CPA5: variants seen among roughly 807,000 people sequenced by gnomAD.
CPA5 encodes the protein carboxypeptidase A5.
A neutral mutation model predicts 52.2 loss-of-function variants in CPA5; 38 were observed. The ratio of observed to expected loss-of-function variants is 0.73; its 90% confidence interval spans 0.56 to 0.95. The LOEUF (loss-of-function observed/expected upper bound fraction) is 0.95, where lower values mean the gene tolerates loss of function less well. Among genes scored for constraint, CPA5 ranks in the 40% least tolerant of loss-of-function variants. The probability of loss-of-function intolerance (pLI) is 0.00; values close to 1 mark genes in which losing one functional copy is unlikely to be tolerated. For synonymous variants in CPA5, 198 were observed against 213.7 expected, an observed-to-expected ratio of 0.93 and a Z score of 0.64; for missense variants, 519 against 566.7, an observed-to-expected ratio of 0.92 and a Z score of 0.86.
chr7:130,370,905 A>C (rs1584845615), downstream of CPA5, among the ~76,000 whole-genome samples: 2 of 152,334 alleles, frequency 1.3e-5, no homozygotes, highest in South Asian at 4.1e-4. Context: ...AATATATTCC[A>C]GTCTTCCGGG....
At chr7:130,352,113 C>T (rs1795185017) in intron 5 of CPA5, among the ~76,000 whole-genome samples, 1 of 152,128 alleles carries the variant, frequency 6.6e-6, no homozygotes, top group African/African-American at 2.4e-5. Context: ...TGTTTGGTGG[C>T]TAGGACCAGG....
At chr7:130,348,824 C>T (rs1794938789) in intron 4 of CPA5, among the ~76,000 whole-genome samples, 1 of 152,190 alleles carries the variant, frequency 6.6e-6, no homozygotes, top group African/African-American at 2.4e-5. Context: ...AGTAGTCCCT[C>T]CTGATTGGCA....
intron 10 of CPA5, among the ~76,000 whole-genome samples, chr7:130,366,491 G>A (rs1796095012): frequency 6.6e-6 from 1 of 152,192 alleles, no homozygotes; most frequent in South Asian, 2.1e-4. Flanking sequence ...AAGGCAAAGA[G>A]TCCAGGGGGA....
chr7:130,355,540 G>A (rs1795427550), intron 5 of CPA5, among the ~76,000 whole-genome samples: 1 of 152,120 alleles, frequency 6.6e-6, no homozygotes, highest in South Asian at 2.1e-4. Context: ...CCAAGTAGCT[G>A]GGCTTACAGG....
At chr7:130,367,293 AACAC>A (rs1387595958) in intron 10 of CPA5, 75 bp from the exon 11 acceptor site, 48 of 1,249,152 alleles carry the variant, frequency 3.8e-5, no homozygotes, top group Non-Finnish European at 5.2e-5. Flanking sequence ...AATGTAGGGG[AACAC>A]ACAGGTATTT....
At chr7:130,363,044 G>A in intron 9 of CPA5, 50 bp downstream of exon 9, 1 of 1,137,624 alleles carries the variant, frequency 8.8e-7, no homozygotes, top group Non-Finnish European at 1.3e-6. Flanking sequence ...CTAGGGGGAT[G>A]GAGAAAAGGT....
chr7:130,370,361 TG>T (rs1554409770), downstream of CPA5, among the ~76,000 whole-genome samples: 2 of 152,116 alleles, frequency 1.3e-5, no homozygotes, highest in Non-Finnish European at 2.9e-5. Flanking sequence ...GGAATTGGTC[TG>T]AGTGAGCTAG....
chr7:130,368,122 C>T lies in CPA5; in HGVS notation c.1123+132C>T, dbSNP rs1796203275. On this transcript the variant is annotated intron_variant, in intron 12 of 12. Coordinates refer to ENST00000474905, the MANE Select transcript of CPA5 (RefSeq NM_080385.5). ...CTGGATAGAAGGGTGAACAGTGGTACCCAGGGAGCTGTTTCTTGGCAGCTT... is the reference window on the plus strand; with the variant it reads ...CTGGATAGAAGGGTGAACAGTGGTATCCAGGGAGCTGTTTCTTGGCAGCTT... 7.0e-6 allele frequency: 6 copies of T among 862,218 alleles called. No homozygotes were observed. The South Asian group carries it at 9.5e-5, about 14-fold the overall frequency. 53.4% of individuals were successfully genotyped at this position (862,218 alleles called of 1,614,324 possible). A position where few individuals can be genotyped will look rare whatever the true frequency, so the allele number is the denominator to read the frequency against.
chr7:130,366,967 G>C (rs6949315), intron 10 of CPA5, among the ~76,000 whole-genome samples: 37,833 of 152,150 alleles, frequency 0.25, 5,490 homozygotes, highest in African/African-American at 0.4. Flanking sequence ...TAGATTAGAG[G>C]ATGCAGCAGT....
rs1464549718 is a variant in CPA5 at position 130,350,003 on chromosome 7, C to G, written c.227C>G (p.Pro76Arg). The change falls in exon 5 of 13, where the codon CCC becomes CGC. Residue 76 changes from proline to arginine, a missense_variant. Pro to Arg is a moderately radical substitution (Grantham distance 103). Coordinates refer to ENST00000474905, the MANE Select transcript of CPA5 (RefSeq NM_080385.5). ...KVDFWRGPARPSLPVDMRVPF... is the reference protein window; with the variant it reads ...KVDFWRGPARRSLPVDMRVPF... Reference sequence around the variant, plus strand: ...GACTTCTGGCGTGGCCCAGCCAGGCCCAGCCTCCCTGTGGATATGAGAGTT... The same window carrying G: ...GACTTCTGGCGTGGCCCAGCCAGGCGCAGCCTCCCTGTGGATATGAGAGTT... 1 of 1,613,568 alleles carries G rather than the reference C, an allele frequency of 6.2e-7. No homozygotes were observed. Among genetic ancestry groups the G allele is most frequent in the Admixed American group, 1.7e-5 (1 of 59,960 alleles).
chr7:130,368,278 A>G, intron 12 of CPA5, 132 bp from the exon 13 acceptor site: 1 of 832,392 alleles, frequency 1.2e-6, no homozygotes, highest in Non-Finnish European at 1.9e-6. Context: ...CCTGGGCAGG[A>G]AGCCTGGTGT....
chr7:130,371,275 C>T (rs954457716), downstream of CPA5, among the ~76,000 whole-genome samples: 13 of 152,258 alleles, frequency 8.5e-5, no homozygotes, highest in African/African-American at 1.2e-4. Context: ...TTCAACATGT[C>T]GCCTCCTCAC....
chr7:130,373,020 G>A (rs1554410089), downstream of CPA5, among the ~76,000 whole-genome samples: 9 of 152,176 alleles, frequency 5.9e-5, no homozygotes, highest in Admixed American at 5.2e-4. Context: ...GAAGACTAAG[G>A]CCAGGGGGGT....
chr7:130,367,584 G>C lies in CPA5; in HGVS notation c.1038+13G>C, dbSNP rs1554408917. On this transcript the variant is annotated intron_variant, in intron 11 of 12. Transcript: ENST00000474905. ...TCAGAGGGAGTTGGTGAGACTGGCT[G>C]CTTAGGGCCTGGGGAGAAGAGACCG... is the stretch of plus-strand genomic sequence containing the variant. The C allele has an allele frequency of 1.2e-6, 2 of 1,610,222 alleles. No homozygotes were observed. Among genetic ancestry groups the C allele is most frequent in the South Asian group, 2.2e-5 (2 of 90,936 alleles).
chr7:130,358,298 C>A (rs782072190), intron 5 of CPA5, among the ~76,000 whole-genome samples: 1 of 152,148 alleles, frequency 6.6e-6, no homozygotes, highest in Non-Finnish European at 1.5e-5. Context: ...CATGCCCAAC[C>A]TGCATATGTG....
At chr7:130,358,978 A>C (rs1554405864) in intron 5 of CPA5, among the ~76,000 whole-genome samples, 2 of 152,166 alleles carry the variant, frequency 1.3e-5, no homozygotes, top group Admixed American at 6.5e-5. Flanking sequence ...TTGGCACATT[A>C]ATCATATTGA....
chr7:130,348,958 A>C (rs988131457), intron 4 of CPA5, among the ~76,000 whole-genome samples: 17 of 152,146 alleles, frequency 1.1e-4, no homozygotes, highest in Non-Finnish European at 2.9e-5. Context: ...CCCCTCCGCG[A>C]GTCACTTAGT....
At chr7:130,347,973 T>A (rs1794877022) in intron 4 of CPA5, 126 bp downstream of exon 4, 17 of 684,706 alleles carry the variant, frequency 2.5e-5, no homozygotes, top group Admixed American at 6.0e-5. Flanking sequence ...AGCACAGACC[T>A]GTGGGAAATC....
Position 130,367,472 on chromosome 7 carries a change from T to G in CPA5, c.939T>G (p.His313Gln). The G allele has an allele frequency of 1.2e-6, 2 of 1,614,140 alleles. No homozygotes were observed. The highest frequency in any genetic ancestry group is 1.7e-6 in the Non-Finnish European group (2 of 1,180,024). Residue 313 changes from histidine to glutamine, a missense_variant, in exon 11 of 13, where the codon CAT becomes CAG. Physicochemically the swap from His to Gln is conservative, Grantham distance 24. Transcript: ENST00000474905. ...VAAIVNFITA[H>Q]GNFKALISIH... is the part of the protein sequence containing the mutation. Reference sequence around the variant, plus strand: ...CCATAGTGAACTTCATCACAGCCCATGGCAACTTCAAGGCTCTGATCTCCA... The same window carrying G: ...CCATAGTGAACTTCATCACAGCCCAGGGCAACTTCAAGGCTCTGATCTCCA...
Sources: gnomAD v4.1 joint callset for allele counts (sites outside exome capture counted in the v4.1 genomes callset) on GRCh38, gnomAD v4.1.1 for gene constraint, MANE v1.5 for transcripts, NCBI Gene and HGNC (gene_info 2026-07-23, HGNC 2026-07-21) for gene names.